Variants in PCDHGA3 observed in about 807,000 individuals in gnomAD.
PCDHGA3 encodes protocadherin gamma subfamily A, 3.
In PCDHGA3, 40 loss-of-function variants were observed where a neutral mutation model predicts 58.5. The ratio of observed to expected loss-of-function variants is 0.68; its 90% CI spans 0.53 to 0.89. The LOEUF (loss-of-function observed/expected upper bound fraction) is 0.89, where lower values mean the gene tolerates loss of function less well. Among genes scored for constraint, PCDHGA3 ranks in the 40% least tolerant of loss-of-function variants. The pLI, the probability that PCDHGA3 is intolerant of heterozygous loss-of-function variation, is 0.00. For missense variants in PCDHGA3, 1,223 were observed against 1,195.9 expected, an observed-to-expected ratio of 1.02 and a Z score of -0.33; for synonymous variants, 530 against 525.7, an observed-to-expected ratio of 1.01 and a Z score of -0.11.
At chr5:141,390,596 C>T (rs2092187528) in intron 1 of PCDHGA3, 1 of 329,834 alleles carries the variant, frequency 3.0e-6, no homozygotes. Context: ...GAGATTTTTC[C>T]TATACATTTT....
chr5:141,501,701 G>A (rs747266621), intron 2 of PCDHGA3, among the ~76,000 whole-genome samples: 3 of 151,984 alleles, frequency 2.0e-5, no homozygotes, highest in East Asian at 1.9e-4. Flanking sequence ...GGGTGATTCC[G>A]AGGATAAAAA....
At chr5:141,368,053 G>T (rs903322143) in intron 1 of PCDHGA3, among the ~76,000 whole-genome samples, 8 of 152,166 alleles carry the variant, frequency 5.3e-5, no homozygotes, top group Non-Finnish European at 1.2e-4. Flanking sequence ...TGTAATGAAA[G>T]AACTACTATA....
intron 1 of PCDHGA3, chr5:141,361,874 G>T: frequency 6.2e-7 from 1 of 1,611,062 alleles, no homozygotes; most frequent in Non-Finnish European, 8.5e-7. Context: ...ATGGTGCCAC[G>T]CGCCGCAGAG....
At chr5:141,408,400 G>A (rs2095097999) in intron 1 of PCDHGA3, 2 of 1,614,052 alleles carry the variant, frequency 1.2e-6, no homozygotes, top group Non-Finnish European at 1.7e-6. Flanking sequence ...CTCGCAAGCT[G>A]CGAGTGAGCG....
chr5:141,370,888 A>G, intron 1 of PCDHGA3: 1 of 1,614,036 alleles, frequency 6.2e-7, no homozygotes, highest in Non-Finnish European at 8.5e-7. Context: ...GTAGGTGTCA[A>G]TTCGCTGCAG....
At position 141,485,892 on chromosome 5, in the gene PCDHGA3, C is replaced by T; in HGVS notation, c.2425-8915C>T. On this transcript the variant is annotated intron_variant, in intron 1 of 3. Coordinates refer to ENST00000253812, the MANE Select transcript of PCDHGA3 (RefSeq NM_018916.4). The surrounding 1 kb of genome is among the most constrained non-coding windows in gnomAD (Gnocchi z 5.7). ...GTGCTGGACGTAAACGACAACGCCC[C>T]AGCCTTCCAGCAATCCAGCTACAGG... is the stretch of plus-strand genomic sequence containing the variant. 6.2e-7 allele frequency: 1 copy of T among 1,614,194 alleles called. No individual in the cohort carries two copies.
At chr5:141,407,563 A>T (rs1483622352) in intron 1 of PCDHGA3, among the ~76,000 whole-genome samples, 1 of 152,032 alleles carries the variant, frequency 6.6e-6, no homozygotes, top group Non-Finnish European at 1.5e-5. Context: ...ACATAAGCTG[A>T]AAGATAAAAT....
chr5:141,409,442 C>T, intron 1 of PCDHGA3: 2 of 1,613,998 alleles, frequency 1.2e-6, no homozygotes, highest in Non-Finnish European at 1.7e-6. Flanking sequence ...GGACCGAGAG[C>T]AGACACCAGA....
intron 1 of PCDHGA3, chr5:141,407,965 G>A (rs2095011875): frequency 4.4e-6 from 3 of 688,096 alleles, no homozygotes; most frequent in Non-Finnish European, 6.9e-6. Flanking sequence ...CAGAGCAAGC[G>A]CTGACGCCGG....
In PCDHGA3 at chr5:141,431,465, AACG is replaced by A; in HGVS notation, c.2425-63339_2425-63337del. 1.9e-6 allele frequency: 3 copies of A among 1,613,790 alleles called. No homozygotes were observed. The highest frequency in any genetic ancestry group is 2.5e-6 in the Non-Finnish European group (3 of 1,179,970). ...CATCCGCGTGATGGTTCTGGATGCGAACGACAACGCACCAGCGTTTGCTCAGCC... is the reference window on the plus strand; with the variant it reads ...CATCCGCGTGATGGTTCTGGATGCGAACAACGCACCAGCGTTTGCTCAGCC... On this transcript the variant is annotated intron_variant, in intron 1 of 3. Transcript: ENST00000253812. The surrounding 1 kb of genome is among the most constrained non-coding windows in gnomAD (Gnocchi z 4.8).
At position 141,477,053 on chromosome 5, in the gene PCDHGA3, G is replaced by C; in HGVS notation, c.2425-17754G>C. ...GACAATCAAGGGTCGGCTGGACTTC[G>C]AGGACACCAAACTCCATGAGATTTA... On this transcript the variant is annotated intron_variant, in intron 1 of 3. Coordinates refer to ENST00000253812, the MANE Select transcript of PCDHGA3 (RefSeq NM_018916.4). This position sits in a 1 kb window ranked among gnomAD's most constrained non-coding sequence, Gnocchi z 4.9. The C allele has an allele frequency of 6.2e-7, 1 of 1,614,230 alleles. No homozygotes were observed. Among genetic ancestry groups the C allele is most frequent in the Non-Finnish European group, 8.5e-7 (1 of 1,180,032 alleles).
intron 1 of PCDHGA3, chr5:141,374,142 TG>T (rs1770186580): frequency 6.2e-7 from 1 of 1,610,196 alleles, no homozygotes; most frequent in Non-Finnish European, 8.5e-7. Flanking sequence ...CTCACGCTCC[TG>T]GGGACGCTGT....
chr5:141,505,583 T>A, intron 3 of PCDHGA3, 102 bp downstream of exon 3: 1 of 1,583,650 alleles, frequency 6.3e-7, no homozygotes, highest in Non-Finnish European at 8.6e-7. Context: ...ACCTGTGTAG[T>A]TTCTCCAGAT....
Position 141,421,812 on chromosome 5 carries a change from A to G in PCDHGA3, c.2425-72995A>G, listed in dbSNP as rs779804436. On this transcript the variant is annotated intron_variant, in intron 1 of 3. Transcript: ENST00000253812. ...CGGATGGGGCCAAGAATCCAGAGCTAGTACTGGAGGGAAGCCTGGACCGAG... is the reference window on the plus strand; with the variant it reads ...CGGATGGGGCCAAGAATCCAGAGCTGGTACTGGAGGGAAGCCTGGACCGAG... 9.9e-6 allele frequency: 16 copies of G among 1,613,704 alleles called. 1 individual carries two copies. In the South Asian group the frequency reaches 1.5e-4, roughly 16 times the overall value.
intron 1 of PCDHGA3, chr5:141,374,379 G>C (rs1163047741): frequency 6.2e-7 from 1 of 1,614,042 alleles, no homozygotes; most frequent in Admixed American, 1.7e-5. Context: ...TGTGCTCAGA[G>C]CCCGCGGTGT....
intron 1 of PCDHGA3, among the ~76,000 whole-genome samples, chr5:141,474,114 C>T (rs940809934): frequency 2.6e-5 from 4 of 152,224 alleles, no homozygotes; most frequent in South Asian, 2.1e-4. Context: ...ACAACAACAA[C>T]GAAAATCTCA....
At chr5:141,355,278 C>A in intron 1 of PCDHGA3, 1 of 1,613,742 alleles carries the variant, frequency 6.2e-7, no homozygotes, top group Non-Finnish European at 8.5e-7. Flanking sequence ...TGGTGGAAAT[C>A]AGGGCCGAAC....
chr5:141,395,442 AG>A lies in PCDHGA3; in HGVS notation c.2424+48986del, dbSNP rs1446210907. Reference sequence around the variant, plus strand: ...CATTTGCTTTTAAACGACTTGGAAAAGATTGTTCAACCATTTTAAGCCTTCC... The same window carrying A: ...CATTTGCTTTTAAACGACTTGGAAAAATTGTTCAACCATTTTAAGCCTTCC... On this transcript the variant is annotated intron_variant, in intron 1 of 3. Coordinates refer to ENST00000253812, the MANE Select transcript of PCDHGA3 (RefSeq NM_018916.4). 4 of 667,514 alleles carry A rather than the reference AG, an allele frequency of 6.0e-6. No homozygotes were observed. The East Asian group carries it at 1.2e-4, about 20-fold the overall frequency. 41.3% of individuals were successfully genotyped at this position (667,514 alleles called of 1,614,324 possible).
intron 1 of PCDHGA3, among the ~76,000 whole-genome samples, chr5:141,425,689 A>C (rs887583603): frequency 6.6e-6 from 1 of 152,232 alleles, no homozygotes; most frequent in African/African-American, 2.4e-5. Flanking sequence ...ACTGCATATC[A>C]TTTCATAGTG....
Sources: allele counts gnomAD v4.1 joint callset (sites outside exome capture counted in the v4.1 genomes callset), GRCh38; gene constraint gnomAD v4.1.1; non-coding constraint Gnocchi (gnomAD v3.1); transcripts MANE v1.5; gene names NCBI Gene and HGNC (gene_info 2026-07-23, HGNC 2026-07-21).